NCOA7: variants seen among roughly 807,000 people sequenced by gnomAD.
NCOA7 encodes the protein 140 kDa estrogen receptor-associated protein.
A neutral mutation model predicts 104.3 loss-of-function variants in NCOA7; 45 were observed. The observed-to-expected ratio is 0.43, with a 90% CI of 0.34 to 0.55. The LOEUF is 0.55. Among genes scored for constraint, NCOA7 ranks in the 20% least tolerant of loss-of-function variants. NCOA7 has a pLI of 0.02. For synonymous variants in NCOA7, 398 were observed against 402.3 expected (o/e 0.99, Z 0.13); for missense variants, 1,041 against 1,119.7 (o/e 0.93, Z 1.00).
At chr6:125,890,599 A>G (rs373262569) in intron 9 of NCOA7, 43 bp from the exon 10 acceptor site, 11 of 1,555,774 alleles carry the variant, frequency 7.1e-6, no homozygotes, top group Middle Eastern at 1.8e-4. Flanking sequence ...GCTATTACCA[A>G]TATTGTCAAT....
intron 3 of NCOA7, among the ~76,000 whole-genome samples, chr6:125,869,928 C>G (rs886551695): frequency 6.6e-6 from 1 of 152,198 alleles, no homozygotes; most frequent in Non-Finnish European, 1.5e-5. Context: ...TGCTTTATTT[C>G]GAACCACAAA....
intron 1 of NCOA7, among the ~76,000 whole-genome samples, chr6:125,800,815 T>C: frequency 6.6e-6 from 1 of 152,194 alleles, no homozygotes; most frequent in East Asian, 1.9e-4. Flanking sequence ...TCACTTGAGG[T>C]CAAGAGTTCA....
chr6:125,802,101 G>T (rs750555230), intron 1 of NCOA7, among the ~76,000 whole-genome samples: 1 of 152,050 alleles, frequency 6.6e-6, no homozygotes, highest in African/African-American at 2.4e-5. Context: ...TCTTGTCTCC[G>T]GGCTTTGATA....
At chr6:125,919,729 T>C (rs760312720) in intron 11 of NCOA7, among the ~76,000 whole-genome samples, 35 of 152,370 alleles carry the variant, frequency 2.3e-4, no homozygotes, top group Non-Finnish European at 4.7e-4. Flanking sequence ...TTTGTGATTC[T>C]TGATAGTGTT....
At chr6:125,919,356 A>G (rs1787364794) in intron 11 of NCOA7, 1 of 1,612,710 alleles carries the variant, frequency 6.2e-7, no homozygotes, top group African/African-American at 1.3e-5. Context: ...CACTGCTCAC[A>G]ATGAGAGGCC....
intron 2 of NCOA7, among the ~76,000 whole-genome samples, chr6:125,853,709 T>C (rs751132402): frequency 3.9e-5 from 6 of 152,230 alleles, no homozygotes; most frequent in Non-Finnish European, 5.9e-5. Context: ...GGGGATATTT[T>C]ACTATTTCTG....
At chr6:125,821,956 G>GTGT (rs2128580951) in intron 2 of NCOA7, among the ~76,000 whole-genome samples, 1 of 152,328 alleles carries the variant, frequency 6.6e-6, no homozygotes, top group African/African-American at 2.4e-5. Context: ...GGAGCACAAA[G>GTGT]TGTTATGCTC....
rs900365892 is a variant in NCOA7, at chr6:125,931,325, T to C, written c.*2554T>C. On this transcript the variant is annotated 3_prime_UTR_variant, in exon 16 of 16. Coordinates refer to ENST00000392477, the MANE Select transcript of NCOA7 (RefSeq NM_181782.5). ...TCTCATTATGGTTACCAGAGACAAC[T>C]CTTGGCTGTATCTACCAGTCTCTTC... The C allele has an allele frequency of 7.9e-5, 12 of 152,176 alleles. No homozygotes were observed. Among genetic ancestry groups the C allele is most frequent in the Admixed American group, 7.2e-4 (11 of 15,278 alleles). The allele number at this position is 152,176 out of a possible 1,614,324, so 9.4% of individuals were successfully genotyped here. A position where few individuals can be genotyped will look rare whatever the true frequency, so the allele number is the denominator to read the frequency against.
rs142806953 is a variant in NCOA7, at chr6:125,869,417, T to C, written c.272-5472T>C. 3.8e-3 allele frequency among the ~76,000 whole-genome samples: 582 copies of C among 152,302 alleles called. 3 individuals are homozygous for C. The highest frequency in any genetic ancestry group is 0.013 in the African/African-American group (551 of 41,548). On this transcript the variant is annotated intron_variant, in intron 3 of 15. Coordinates refer to ENST00000392477, the MANE Select transcript of NCOA7 (RefSeq NM_181782.5). ...TGAATCTCAATTTCTTTTTTTGTCT[T>C]TTCCCACAGATCTGTTCTCCAATTC...
intron 2 of NCOA7, among the ~76,000 whole-genome samples, chr6:125,843,898 A>T (rs1054318001): frequency 1.1e-4 from 17 of 152,336 alleles, no homozygotes; most frequent in African/African-American, 3.6e-4. Context: ...AAATAATACA[A>T]TGTAGACATT....
chr6:125,825,047 T>C (rs1242154361), intron 2 of NCOA7, among the ~76,000 whole-genome samples: 2 of 151,916 alleles, frequency 1.3e-5, no homozygotes, highest in Admixed American at 6.6e-5. Context: ...AAAAGAATTA[T>C]AATTGATCAG....
intron 1 of NCOA7, among the ~76,000 whole-genome samples, chr6:125,797,305 G>C (rs1396053914): frequency 6.6e-6 from 1 of 152,186 alleles, no homozygotes; most frequent in Admixed American, 6.5e-5. Flanking sequence ...TCCAACCCAA[G>C]TAATCAGAGG....
At chr6:125,892,213 A>G (rs1347653757) in intron 10 of NCOA7, among the ~76,000 whole-genome samples, 1 of 152,226 alleles carries the variant, frequency 6.6e-6, no homozygotes, top group Admixed American at 6.5e-5. Flanking sequence ...ATTCTTTATA[A>G]TATAAGACAA....
At chr6:125,902,112 G>C (rs939174002) in intron 10 of NCOA7, among the ~76,000 whole-genome samples, 1 of 152,028 alleles carries the variant, frequency 6.6e-6, no homozygotes, top group Non-Finnish European at 1.5e-5. Context: ...GTAACATTTG[G>C]GGGGAAAAAC....
At chr6:125,911,384 G>T (rs1338144204) in intron 10 of NCOA7, among the ~76,000 whole-genome samples, 2 of 152,150 alleles carry the variant, frequency 1.3e-5, no homozygotes, top group African/African-American at 2.4e-5. Flanking sequence ...TGTAAAAGAG[G>T]AACTATCATT....
rs186129099 is a variant in NCOA7 at position 125,808,114 on chromosome 6, A to G, written c.-64-7177A>G. Among the ~76,000 whole-genome samples, 146 of 152,280 alleles carry G rather than the reference A, an allele frequency of 9.6e-4. 1 individual carries two copies. Among genetic ancestry groups the G allele is most frequent in the African/African-American group, 3.5e-3 (144 of 41,544 alleles). On this transcript the variant is annotated intron_variant, in intron 1 of 15. Transcript: ENST00000392477. ...GCATTCCCTGAATGTCCTCTCGTCT[A>G]CCAGCCCTTGCACTCCAGCCTTACC...
intron 1 of NCOA7, among the ~76,000 whole-genome samples, chr6:125,792,559 A>C (rs1361083836): frequency 6.6e-6 from 1 of 152,192 alleles, no homozygotes; most frequent in Admixed American, 6.5e-5. Flanking sequence ...GGTTTGATCT[A>C]ATTATCATGT....
chr6:125,813,697 A>G (rs796323764), intron 1 of NCOA7, among the ~76,000 whole-genome samples: 96 of 151,748 alleles, frequency 6.3e-4, no homozygotes, highest in African/African-American at 2.2e-3. Flanking sequence ...TGATCCACCC[A>G]CCTCGGCCTC....
intron 11 of NCOA7, 99 bp downstream of exon 11, chr6:125,915,579 C>A (rs1052752471): frequency 7.2e-7 from 1 of 1,395,272 alleles, no homozygotes; most frequent in Non-Finnish European, 9.9e-7. Context: ...AAACTAGAGT[C>A]CCTGTGCACC....
Sources: gnomAD v4.1 joint callset for allele counts (sites outside exome capture counted in the v4.1 genomes callset) on GRCh38, gnomAD v4.1.1 for gene constraint, MANE v1.5 for transcripts, NCBI Gene and HGNC (gene_info 2026-07-23, HGNC 2026-07-21) for gene names.